Variants in ADAMTS6 observed in about 807,000 individuals in gnomAD.
ADAMTS6 encodes ADAM metallopeptidase with thrombospondin type 1 motif 6, also known as A disintegrin and metalloproteinase with thrombospondin motifs 6.
In ADAMTS6, 23 loss-of-function variants were observed where a neutral mutation model predicts 144.3. The ratio of observed to expected loss-of-function variants is 0.16; its 90% confidence interval spans 0.11 to 0.23. The LOEUF is 0.23. Ranked by LOEUF, ADAMTS6 falls within the 10% of genes least tolerant of loss-of-function variation. The pLI is 1.00. For synonymous variants in ADAMTS6, 444 were observed against 457.5 expected (o/e 0.97, Z 0.38); for missense variants, 999 against 1,379.6 (o/e 0.72, Z 4.37).
chr5:65,216,503 G>C (rs1227869975), intron 18 of ADAMTS6, among the ~76,000 whole-genome samples: 2 of 151,938 alleles, frequency 1.3e-5, no homozygotes, highest in African/African-American at 4.8e-5. Flanking sequence ...TGTTTGGAAT[G>C]TTTCAAACGC....
chr5:65,400,598 T>C (rs1270135100), intron 7 of ADAMTS6, among the ~76,000 whole-genome samples: 1 of 152,234 alleles, frequency 6.6e-6, no homozygotes, highest in African/African-American at 2.4e-5. Context: ...GTGTCTGACA[T>C]TAATTTAGAT....
rs548532415 is a variant in ADAMTS6 at position 65,213,147 on chromosome 5, T to C, written c.2575+1647A>G. On this transcript the variant is annotated intron_variant, in intron 20 of 24. Transcript: ENST00000381055. ...ACTTTACATTACAAATCACCAGCCATTTTACACATAAAATGGATGGGAACT... is the reference window on the plus strand; with the variant it reads ...ACTTTACATTACAAATCACCAGCCACTTTACACATAAAATGGATGGGAACT... Among the ~76,000 whole-genome samples the C allele has an allele frequency of 8.5e-5, 13 of 152,368 alleles. No homozygotes were observed. In the East Asian group the frequency reaches 1.9e-3, roughly 23 times the overall value.
intron 14 of ADAMTS6, among the ~76,000 whole-genome samples, chr5:65,249,656 T>G (rs1317696768): frequency 6.6e-6 from 1 of 152,234 alleles, no homozygotes; most frequent in South Asian, 2.1e-4. Context: ...GAGGCAAGAA[T>G]TGAGGTTGCT....
At chr5:65,473,181 TCCA>T (rs1760597487) in intron 2 of ADAMTS6, among the ~76,000 whole-genome samples, 2 of 152,122 alleles carry the variant, frequency 1.3e-5, no homozygotes, top group African/African-American at 2.4e-5. Flanking sequence ...TCACAAAGGG[TCCA>T]TATTAAAAGG....
At chr5:65,271,171 C>T (rs1185701382) in intron 12 of ADAMTS6, among the ~76,000 whole-genome samples, 1 of 151,924 alleles carries the variant, frequency 6.6e-6, no homozygotes, top group African/African-American at 2.4e-5. Context: ...GGGCGGATCA[C>T]AAGGTCAGGA....
At chr5:65,270,461 CTT>C (rs1455293904) in intron 12 of ADAMTS6, among the ~76,000 whole-genome samples, 1 of 152,084 alleles carries the variant, frequency 6.6e-6, no homozygotes, top group Non-Finnish European at 1.5e-5. Context: ...GTGTCTAGTT[CTT>C]TTTGTTTGTT....
chr5:65,451,458 C>A lies in ADAMTS6; in HGVS notation c.1073+17G>T, dbSNP rs1230167240. ...AAACACAACAATCAATGGAAAAATA[C>A]TTGCAACAAACCATACCTAGTAATA... On this transcript the variant is annotated intron_variant, in intron 7 of 24. Coordinates refer to ENST00000381055, the MANE Select transcript of ADAMTS6 (RefSeq NM_197941.4). 6.2e-7 allele frequency: 1 copy of A among 1,611,596 alleles called. No individual in the cohort carries two copies. Among genetic ancestry groups the A allele is most frequent in the Non-Finnish European group, 8.5e-7 (1 of 1,179,178 alleles).
chr5:65,161,980 T>C (rs1752808114), intron 24 of ADAMTS6, among the ~76,000 whole-genome samples: 1 of 152,242 alleles, frequency 6.6e-6, no homozygotes, highest in Non-Finnish European at 1.5e-5. Context: ...ATATTGTTTT[T>C]ACTGCTTACT....
At chr5:65,471,711 T>C (rs1467985000) in intron 2 of ADAMTS6, among the ~76,000 whole-genome samples, 1 of 151,920 alleles carries the variant, frequency 6.6e-6, no homozygotes, top group Non-Finnish European at 1.5e-5. Flanking sequence ...TGAGCCGAGA[T>C]TGCGCCACTG....
At chr5:65,462,977 G>A (rs1327559540) in intron 3 of ADAMTS6, among the ~76,000 whole-genome samples, 2 of 151,972 alleles carry the variant, frequency 1.3e-5, no homozygotes, top group Non-Finnish European at 2.9e-5. Flanking sequence ...CTACTCGGGA[G>A]GCTGAGGAAG....
In ADAMTS6 at chr5:65,224,092, G is replaced by A. The variant is rs139589891; in HGVS notation, c.2272+228C>T. 3.2e-3 allele frequency among the ~76,000 whole-genome samples: 481 copies of A among 152,238 alleles called. 12 individuals are homozygous for A. The East Asian group carries it at 0.076, about 24-fold the overall frequency. On this transcript the variant is annotated intron_variant, in intron 18 of 24. Coordinates refer to ENST00000381055, the MANE Select transcript of ADAMTS6 (RefSeq NM_197941.4). ...TGGGATTACAGGTGTGAGCCACAGC[G>A]CCTGGCCTGATTTTTTAAATATATA...
At chr5:65,163,948 C>T (rs576854693) in intron 24 of ADAMTS6, among the ~76,000 whole-genome samples, 36 of 152,080 alleles carry the variant, frequency 2.4e-4, no homozygotes, top group African/African-American at 8.4e-4. Context: ...TAAAAAGTCA[C>T]GATTGTGGCC....
Position 65,170,635 on chromosome 5 carries a change from G to T in ADAMTS6, c.3226C>A (p.Pro1076Thr), listed in dbSNP as rs775956686. The T allele has an allele frequency of 6.2e-6, 10 of 1,613,880 alleles. No homozygotes were observed. Among genetic ancestry groups the T allele is most frequent in the Admixed American group, 1.7e-5 (1 of 59,976 alleles). ...AACTCACCTTCAGTATTAGAAATGG[G>T]GGTACTGTCACATTTGCTTTCACAC... Reference protein sequence around the residue: ...QQCESKCDSTPISNTEECKDV... With the variant: ...QQCESKCDSTTISNTEECKDV... The change falls in exon 24 of 25, where the codon CCC (proline) becomes ACC (threonine). Residue 1076 changes from proline to threonine, a missense_variant. Physicochemically the swap from Pro to Thr is conservative, Grantham distance 38. Transcript: ENST00000381055.
chr5:65,381,935 G>A (rs980228627), intron 7 of ADAMTS6, among the ~76,000 whole-genome samples: 23 of 152,256 alleles, frequency 1.5e-4, no homozygotes, highest in African/African-American at 4.6e-4. Flanking sequence ...TGTGGAATGT[G>A]TAAAATGAAT....
At chr5:65,346,197 T>G (rs1258944196) in intron 7 of ADAMTS6, among the ~76,000 whole-genome samples, 1 of 151,632 alleles carries the variant, frequency 6.6e-6, no homozygotes, top group Non-Finnish European at 1.5e-5. Context: ...GAAAAGAAAA[T>G]TACAGGCAAA....
At chr5:65,179,234 C>T (rs886685663) in intron 22 of ADAMTS6, among the ~76,000 whole-genome samples, 1 of 152,200 alleles carries the variant, frequency 6.6e-6, no homozygotes. Flanking sequence ...AAAGTTGCTA[C>T]AGTCCTATTA....
intron 7 of ADAMTS6, among the ~76,000 whole-genome samples, chr5:65,345,454 C>T (rs147055281): frequency 1.3e-5 from 2 of 151,634 alleles, no homozygotes; most frequent in African/African-American, 4.8e-5. Flanking sequence ...ATGTTTGATT[C>T]ACATAAAAAT....
rs561864514 is a variant in ADAMTS6, at chr5:65,405,984, A to G, written c.1073+45491T>C. 1.2e-4 allele frequency among the ~76,000 whole-genome samples: 19 copies of G among 152,164 alleles called. 1 individual carries two copies. The South Asian group carries it at 2.5e-3, about 20-fold the overall frequency. On this transcript the variant is annotated intron_variant, in intron 7 of 24. Transcript: ENST00000381055. Reference sequence around the variant, plus strand: ...GTGTATAAGAATGCTTGTGATTTTTACACATTGATTTTGTATCCTGAGACT... The same window carrying G: ...GTGTATAAGAATGCTTGTGATTTTTGCACATTGATTTTGTATCCTGAGACT...
At chr5:65,465,210 C>T (rs1348031112) in intron 3 of ADAMTS6, among the ~76,000 whole-genome samples, 1 of 152,128 alleles carries the variant, frequency 6.6e-6, no homozygotes, top group Non-Finnish European at 1.5e-5. Context: ...CATGTTTTCT[C>T]ATCTCTACTT....
Sources: gnomAD v4.1 joint callset for allele counts (sites outside exome capture counted in the v4.1 genomes callset) on GRCh38, gnomAD v4.1.1 for gene constraint, MANE v1.5 for transcripts, NCBI Gene and HGNC (gene_info 2026-07-23, HGNC 2026-07-21) for gene names.